The following RGS6 variants were observed in gnomAD, a reference collection of about 807,000 sequenced individuals.
RGS6 encodes regulator of G-protein signaling 6.
Under a neutral mutation model 78.5 loss-of-function variants are expected in RGS6, and 30 were observed. The observed-to-expected ratio is 0.38, with a 90% confidence interval of 0.29 to 0.52. The LOEUF (loss-of-function observed/expected upper bound fraction) is 0.52, where lower values mean the gene tolerates loss of function less well. Among genes scored for constraint, RGS6 ranks in the 20% least tolerant of loss-of-function variants. The probability of loss-of-function intolerance (pLI) is 0.85; values close to 1 mark genes in which losing one functional copy is unlikely to be tolerated. For synonymous variants in RGS6, 206 were observed against 206.0 expected (o/e 1.00, Z 0.00); for missense variants, 495 against 609.7 (o/e 0.81, Z 1.98).
At chr14:72,079,901 A>G (rs561774797) in intron 2 of RGS6, among the ~76,000 whole-genome samples, 2 of 152,246 alleles carry the variant, frequency 1.3e-5, no homozygotes, top group Admixed American at 1.3e-4. Flanking sequence ...ATTCTGTTGT[A>G]TACACATACC....
intron 2 of RGS6, among the ~76,000 whole-genome samples, chr14:71,969,268 T>C (rs1174385210): frequency 6.6e-6 from 1 of 152,238 alleles, no homozygotes; most frequent in Non-Finnish European, 1.5e-5. Flanking sequence ...TTCATTCTAC[T>C]CATTGGTGCT....
chr14:72,021,801 G>C (rs1055215339), intron 2 of RGS6, among the ~76,000 whole-genome samples: 1 of 151,730 alleles, frequency 6.6e-6, no homozygotes, highest in Non-Finnish European at 1.5e-5. Context: ...TTTAGGTTCA[G>C]GGGTACATGT....
intron 2 of RGS6, among the ~76,000 whole-genome samples, chr14:72,150,662 C>T (rs147413468): frequency 2.4e-4 from 37 of 151,998 alleles, no homozygotes; most frequent in African/African-American, 8.9e-4. Flanking sequence ...GAAATTGCTG[C>T]GAGGTGCTAC....
At chr14:72,298,841 T>C (rs570329631) in intron 2 of RGS6, among the ~76,000 whole-genome samples, 44 of 152,336 alleles carry the variant, frequency 2.9e-4, no homozygotes, top group Middle Eastern at 6.8e-3. Flanking sequence ...TCAGAGAATT[T>C]GTGGAGGATT....
At chr14:72,611,012 A>G in the RGS6 span, among the ~76,000 whole-genome samples, 6 of 152,220 alleles carry the variant, frequency 3.9e-5, no homozygotes. Flanking sequence ...CCAGACTCAC[A>G]GCCAAGCCTT....
At chr14:72,376,034 T>C (rs1026362604) in intron 3 of RGS6, among the ~76,000 whole-genome samples, 1 of 151,976 alleles carries the variant, frequency 6.6e-6, no homozygotes, top group Non-Finnish European at 1.5e-5. Context: ...AGGAAATAAA[T>C]GAAATGACAG....
chr14:71,996,136 C>T (rs955457410), intron 2 of RGS6, among the ~76,000 whole-genome samples: 4 of 146,250 alleles, frequency 2.7e-5, no homozygotes, highest in East Asian at 2.0e-4. Flanking sequence ...GGCAGCAAGT[C>T]GGGTGTTCGT....
chr14:72,299,709 A>G (rs1041535017), intron 2 of RGS6, among the ~76,000 whole-genome samples: 3 of 152,038 alleles, frequency 2.0e-5, no homozygotes, highest in African/African-American at 7.2e-5. Flanking sequence ...TTTGCTTTGG[A>G]TTTGCATTTC....
chr14:72,595,216 A>G, the RGS6 span: 1 of 152,206 alleles, frequency 6.6e-6, no homozygotes, highest in Non-Finnish European at 1.5e-5. Context: ...CCTTAGCAAT[A>G]TTAATCCCTA....
intron 2 of RGS6, among the ~76,000 whole-genome samples, chr14:72,161,388 TAAAAA>T (rs878953450): frequency 2.0e-5 from 3 of 151,684 alleles, no homozygotes; most frequent in Non-Finnish European, 4.4e-5. Context: ...AGTATAATAA[TAAAAA>T]AAAGCAATAA....
At chr14:72,377,533 A>G (rs960938536) in intron 3 of RGS6, among the ~76,000 whole-genome samples, 2 of 152,216 alleles carry the variant, frequency 1.3e-5, no homozygotes, top group Non-Finnish European at 2.9e-5. Context: ...AAACTGCACT[A>G]TAGACCAAAT....
intron 1 of RGS6, among the ~76,000 whole-genome samples, chr14:71,935,098 T>A (rs879505750): frequency 2.2e-4 from 33 of 152,214 alleles, no homozygotes; most frequent in Admixed American, 1.3e-4. Flanking sequence ...AAATTTCATC[T>A]TCTTTGTAAC....
intron 2 of RGS6, among the ~76,000 whole-genome samples, chr14:71,982,484 C>T (rs1165780372): frequency 6.6e-6 from 1 of 152,166 alleles, no homozygotes; most frequent in Non-Finnish European, 1.5e-5. Flanking sequence ...ACAAAGATTA[C>T]TTGTAGCTGG....
At chr14:72,619,013 G>A in the RGS6 span, among the ~76,000 whole-genome samples, 1 of 152,192 alleles carries the variant, frequency 6.6e-6, no homozygotes, top group African/African-American at 2.4e-5. Flanking sequence ...TCGGTGCTAG[G>A]GTAAAAGTGA....
intron 16 of RGS6, chr14:72,537,717 A>G: frequency 1.7e-6 from 1 of 605,888 alleles, no homozygotes; most frequent in African/African-American, 1.9e-5. Context: ...ATGAAGGTCA[A>G]AGTAAGTTTT....
intron 8 of RGS6, among the ~76,000 whole-genome samples, chr14:72,471,920 G>C (rs2096087273): frequency 6.6e-6 from 1 of 152,216 alleles, no homozygotes; most frequent in Non-Finnish European, 1.5e-5. Context: ...GTTATAAACA[G>C]AGGGGAAATT....
chr14:72,456,079 T>C (rs1351625222), intron 4 of RGS6, among the ~76,000 whole-genome samples: 1 of 152,160 alleles, frequency 6.6e-6, no homozygotes, highest in Admixed American at 6.5e-5. Flanking sequence ...GTTATTTCTA[T>C]GAAAATCTGT....
At chr14:72,265,808 A>G (rs699368) in intron 2 of RGS6, among the ~76,000 whole-genome samples, 47,475 of 151,904 alleles carry the variant, frequency 0.31, 8,097 homozygotes, top group South Asian at 0.43. Flanking sequence ...GCCTTCCCCA[A>G]GCTGCCTGTG....
intron 2 of RGS6, among the ~76,000 whole-genome samples, chr14:72,045,248 TG>T (rs1276935214): frequency 6.6e-6 from 1 of 152,256 alleles, no homozygotes; most frequent in African/African-American, 2.4e-5. Flanking sequence ...AGTATTTATC[TG>T]GTTTGATTAT....
Sources: gnomAD v4.1 joint callset for allele counts (sites outside exome capture counted in the v4.1 genomes callset) on GRCh38, gnomAD v4.1.1 for gene constraint, MANE v1.5 for transcripts, NCBI Gene and HGNC (gene_info 2026-07-23, HGNC 2026-07-21) for gene names.